XKR4: variants seen among roughly 807,000 people sequenced by gnomAD.
XKR4 encodes the protein XK-related protein 4.
A neutral mutation model predicts 53.9 loss-of-function variants in XKR4; 12 were observed. The observed-to-expected ratio is 0.22, with a 90% CI of 0.14 to 0.36. The LOEUF (loss-of-function observed/expected upper bound fraction) is 0.36. XKR4 is among the 10% of genes least tolerant of loss of function. XKR4 has a pLI of 1.00. For synonymous variants in XKR4, 354 were observed against 362.4 expected (o/e 0.98, Z 0.26); for missense variants, 799 against 859.5 (o/e 0.93, Z 0.88).
At chr8:55,469,412 T>C (rs972137218) in intron 2 of XKR4, among the ~76,000 whole-genome samples, 1 of 152,132 alleles carries the variant, frequency 6.6e-6, no homozygotes, top group African/African-American at 2.4e-5. Flanking sequence ...CTATTAATAT[T>C]TCCTCATTAC....
At chr8:55,287,976 C>T (rs1818930933) in intron 1 of XKR4, among the ~76,000 whole-genome samples, 1 of 152,176 alleles carries the variant, frequency 6.6e-6, no homozygotes, top group African/African-American at 2.4e-5. Flanking sequence ...TCTAATATGG[C>T]AAGCTTGTCC....
At chr8:55,286,282 G>A (rs1818906164) in intron 1 of XKR4, among the ~76,000 whole-genome samples, 1 of 152,214 alleles carries the variant, frequency 6.6e-6, no homozygotes, top group Admixed American at 6.5e-5. Context: ...GAGTTGGGCT[G>A]TGAAGAGAAA....
At chr8:55,211,311 T>C (rs1384311515) in intron 1 of XKR4, among the ~76,000 whole-genome samples, 1 of 152,238 alleles carries the variant, frequency 6.6e-6, no homozygotes, top group East Asian at 1.9e-4. Context: ...TTCTTTATAT[T>C]TCAAAGAAGA....
At chr8:55,505,606 T>A (rs1806515939) in intron 2 of XKR4, among the ~76,000 whole-genome samples, 1 of 152,226 alleles carries the variant, frequency 6.6e-6, no homozygotes, top group Admixed American at 6.5e-5. Flanking sequence ...TTAATTTCCA[T>A]GTATTTGTGA....
In XKR4 at chr8:55,477,322, C is replaced by A. The variant is rs1585596062; in HGVS notation, c.1007-45959C>A. On this transcript the variant is annotated intron_variant, in intron 2 of 2. Transcript: ENST00000327381. ...GTCTGGAGTGGACCTCTAGCAAACT[C>A]CAACAGACCTGCAGCTGAGGGTCCT... Among the ~76,000 whole-genome samples, 3 of 152,138 alleles carry A rather than the reference C, an allele frequency of 2.0e-5. No individual in the cohort carries two copies. The South Asian group carries it at 6.2e-4, about 31-fold the overall frequency.
At chr8:55,478,073 C>T (rs888367125) in intron 2 of XKR4, among the ~76,000 whole-genome samples, 3 of 151,850 alleles carry the variant, frequency 2.0e-5, no homozygotes, top group South Asian at 2.1e-4. Context: ...AGATACTCCT[C>T]GAGAAGAGCA....
At chr8:55,211,506 TG>T (rs1585942051) in intron 1 of XKR4, among the ~76,000 whole-genome samples, 1 of 152,238 alleles carries the variant, frequency 6.6e-6, no homozygotes, top group Non-Finnish European at 1.5e-5. Context: ...GTCTTTACTA[TG>T]GTATGTCACT....
At chr8:55,316,764 AC>A (rs1819484383) in intron 1 of XKR4, among the ~76,000 whole-genome samples, 2 of 151,952 alleles carry the variant, frequency 1.3e-5, no homozygotes, top group South Asian at 4.2e-4. Context: ...CTCTACCGCA[AC>A]CCCCAAGCAT....
At chr8:55,152,090 A>G (rs1816847587) in intron 1 of XKR4, among the ~76,000 whole-genome samples, 1 of 152,146 alleles carries the variant, frequency 6.6e-6, no homozygotes. Flanking sequence ...ATCCACTTAA[A>G]TGAGAATAAT....
In XKR4 at chr8:55,141,671, C is replaced by CTCTCTCTCTCTG. The variant is rs748708972; in HGVS notation, c.806+38378_806+38379insCTCTCTCTCTGT. 3.6e-4 allele frequency among the ~76,000 whole-genome samples: 49 copies of CTCTCTCTCTCTG among 135,262 alleles called. 1 individual carries two copies. Among genetic ancestry groups the CTCTCTCTCTCTG allele is most frequent in the East Asian group, 3.1e-3 (14 of 4,492 alleles). The allele number at this position is 135,262 out of a possible 152,430, so 88.7% of individuals were successfully genotyped here. A position where few individuals can be genotyped will look rare whatever the true frequency, so the allele number is the denominator to read the frequency against. On this transcript the variant is annotated intron_variant, in intron 1 of 2. Coordinates refer to ENST00000327381, the MANE Select transcript of XKR4 (RefSeq NM_052898.2). ...TCTCTCTCTCTCTCTCTCTCTCTCT[C>CTCTCTCTCTCTG]TGTGTGTGTGTGTGTGTGTCTCTCT...
intron 1 of XKR4, among the ~76,000 whole-genome samples, chr8:55,318,203 G>T (rs1228214610): frequency 1.3e-5 from 2 of 152,044 alleles, no homozygotes; most frequent in African/African-American, 4.8e-5. Context: ...TACCCTGACT[G>T]GCCTGAATCA....
intron 2 of XKR4, among the ~76,000 whole-genome samples, chr8:55,475,346 T>C (rs1756586415): frequency 6.6e-6 from 1 of 152,012 alleles, no homozygotes; most frequent in African/African-American, 2.4e-5. Context: ...GTGGATTGTC[T>C]TATTTCAGAC....
intron 1 of XKR4, among the ~76,000 whole-genome samples, chr8:55,323,777 G>A (rs1232210463): frequency 6.6e-6 from 1 of 152,094 alleles, no homozygotes; most frequent in Non-Finnish European, 1.5e-5. Flanking sequence ...GTTCATTTCA[G>A]CCCCCTCTCC....
intron 1 of XKR4, among the ~76,000 whole-genome samples, chr8:55,197,545 ATT>A (rs35974542): frequency 5.6e-5 from 8 of 143,650 alleles, no homozygotes; most frequent in Non-Finnish European, 9.1e-5. Context: ...GTTCAGCTAA[ATT>A]TTTTTTTTTT....
intron 1 of XKR4, among the ~76,000 whole-genome samples, chr8:55,143,322 C>A (rs1259459452): frequency 6.6e-6 from 1 of 152,032 alleles, no homozygotes; most frequent in African/African-American, 2.4e-5. Context: ...GCAGACACTG[C>A]CCAATAATTT....
chr8:55,461,223 C>T (rs569675590), intron 2 of XKR4, among the ~76,000 whole-genome samples: 2 of 152,196 alleles, frequency 1.3e-5, no homozygotes, highest in African/African-American at 2.4e-5. Flanking sequence ...AAGGCACCCC[C>T]CAGTAGGGGC....
At chr8:55,378,644 A>T (rs1429747763) in intron 2 of XKR4, among the ~76,000 whole-genome samples, 1 of 152,210 alleles carries the variant, frequency 6.6e-6, no homozygotes, top group Non-Finnish European at 1.5e-5. Flanking sequence ...TCAAAACTGC[A>T]CATAGAAATT....
intron 2 of XKR4, among the ~76,000 whole-genome samples, chr8:55,472,758 A>G (rs1261100897): frequency 6.6e-6 from 1 of 152,132 alleles, no homozygotes; most frequent in Non-Finnish European, 1.5e-5. Flanking sequence ...TATTAGGGAT[A>G]AATTGGCTGA....
intron 2 of XKR4, among the ~76,000 whole-genome samples, chr8:55,405,953 A>G (rs1455638764): frequency 6.6e-6 from 1 of 152,164 alleles, no homozygotes; most frequent in Non-Finnish European, 1.5e-5. Context: ...ACCCCACAGG[A>G]GTGAGCAGCC....
Sources: gnomAD v4.1 joint callset for allele counts (sites outside exome capture counted in the v4.1 genomes callset) on GRCh38, gnomAD v4.1.1 for gene constraint, MANE v1.5 for transcripts, NCBI Gene and HGNC (gene_info 2026-07-23, HGNC 2026-07-21) for gene names.